The following IL32 variants were observed in gnomAD, a reference collection of about 807,000 sequenced individuals.
The protein encoded by IL32 is interleukin 32, also known as interleukin-32.
A neutral mutation model predicts 16.6 loss-of-function variants in IL32; 30 were observed. That is an observed-to-expected ratio of 1.81 (90% CI 1.35 to 2.45). The LOEUF (loss-of-function observed/expected upper bound fraction) is 2.45, where lower values mean the gene tolerates loss of function less well. IL32 is among the 30% of genes most tolerant of loss of function. IL32 has a pLI of 0.00. For synonymous variants in IL32, 70 were observed against 86.1 expected (o/e 0.81, Z 1.03); for missense variants, 234 against 229.8 (o/e 1.02, Z -0.12).
rs2151177015 is a variant in IL32 at position 3,065,815 on chromosome 16, T to C, written c.4T>C (p.Cys2Arg). Residue 2 changes from cysteine to arginine, a missense_variant, in exon 2 of 7, where the codon TGC (cysteine) becomes CGC (arginine). This residue lies in a region of IL32 where 137 missense variants were observed against 80.7 expected (regional missense o/e 1.70). Transcript: ENST00000525643. The stretch of plus-strand genomic sequence containing the variant: ...GCTCCTTGAACTTTTGGCCGCCATG[T>C]GCTTCCCGAAGGTGAGTGAGAGGCT... M[C>R]FPKVLSDDMK... 6.2e-7 allele frequency: 1 copy of C among 1,614,150 alleles called. No homozygotes were observed. The highest frequency in any genetic ancestry group is 2.2e-5 in the East Asian group (1 of 44,878).
Position 3,067,630 on chromosome 16 carries a change from T to G in IL32, c.114+17T>G. 1 of 1,578,292 alleles carries G rather than the reference T, an allele frequency of 6.3e-7. No homozygotes were observed. The highest frequency in any genetic ancestry group is 1.3e-5 in the African/African-American group (1 of 74,256). On this transcript the variant is annotated intron_variant, in intron 4 of 6. Coordinates refer to ENST00000525643, the MANE Select transcript of IL32 (RefSeq NM_001376923.1). The stretch of plus-strand genomic sequence containing the variant: ...CGTGGACAGGTGGGTGGATTTCCCC[T>G]CAGGCACCAGGTCACATGTCCCCGC...
intron 5 of IL32, 46 bp from the exon 6 acceptor site, chr16:3,068,134 G>C (rs1312613591): frequency 1.9e-6 from 3 of 1,603,076 alleles, no homozygotes; most frequent in Non-Finnish European, 1.7e-6. Flanking sequence ...AGTGGGAAGG[G>C]GGCAGGCAGG....
chr16:3,066,809 T>C (rs1956360042), intron 2 of IL32, among the ~76,000 whole-genome samples: 1 of 152,018 alleles, frequency 6.6e-6, no homozygotes, highest in Non-Finnish European at 1.5e-5. Context: ...CCTGGGACCA[T>C]AGTGGTTGTG....
chr16:3,068,138 A>C (rs1479625151), intron 5 of IL32, 42 bp from the exon 6 acceptor site: 2 of 1,601,870 alleles, frequency 1.2e-6, no homozygotes, highest in South Asian at 2.2e-5. Context: ...GGAAGGGGGC[A>C]GGCAGGAGCA....
At position 3,067,416 on chromosome 16, in the gene IL32, G is replaced by C. The variant is rs752796018; in HGVS notation, c.54+1G>C. The C allele has an allele frequency of 6.3e-7, 1 of 1,589,002 alleles. No individual in the cohort carries two copies. The highest frequency in any genetic ancestry group is 1.8e-5 in the Admixed American group (1 of 55,860). On this transcript the variant is annotated splice_donor_variant, in intron 3 of 6. Transcript: ENST00000525643. LOFTEE classifies it high-confidence loss of function. Reference sequence around the variant, plus strand: ...CATGAAGAAGCTGAAGGCCCGAATGGTAATGCTCCTCCCTACTTCTGCTCA... The same window carrying C: ...CATGAAGAAGCTGAAGGCCCGAATGCTAATGCTCCTCCCTACTTCTGCTCA...
At position 3,068,118 on chromosome 16, in the gene IL32, G is replaced by C. The variant is rs1353743502; in HGVS notation, c.142-62G>C. ...CTTGGGAATCACCTGGACCAGTGGG[G>C]GCCACAGTGGGAAGGGGGCAGGCAG... On this transcript the variant is annotated intron_variant, in intron 5 of 6. Transcript: ENST00000525643. The C allele has an allele frequency of 4.4e-6, 7 of 1,602,206 alleles. No homozygotes were observed. In the African/African-American group the frequency reaches 5.4e-5, roughly 12 times the overall value.
At chr16:3,065,885 C>G (rs188483845) in intron 2 of IL32, 59 bp downstream of exon 2, 4 of 1,599,810 alleles carry the variant, frequency 2.5e-6, no homozygotes, top group Non-Finnish European at 2.6e-6. Flanking sequence ...CGTAAGGGTG[C>G]GGGTGCCCTC....
At chr16:3,065,626 T>G (rs1956228870), upstream of IL32, 1 of 713,448 alleles carries the variant, frequency 1.4e-6, no homozygotes. Context: ...ACCAGCTGAG[T>G]ATTTGTGCCA....
intron 2 of IL32, among the ~76,000 whole-genome samples, chr16:3,066,140 G>A (rs1156437052): frequency 6.6e-6 from 1 of 152,172 alleles, no homozygotes; most frequent in Non-Finnish European, 1.5e-5. Context: ...TCTCTCAGAG[G>A]CCGGCTCAGC....
intron 2 of IL32, among the ~76,000 whole-genome samples, chr16:3,066,559 C>A (rs79018933): frequency 6.6e-6 from 1 of 151,824 alleles, no homozygotes; most frequent in Non-Finnish European, 1.5e-5. Context: ...AGGCCCTTGA[C>A]GTGGGGGCTC....
intron 6 of IL32, 126 bp from the exon 7 acceptor site, chr16:3,068,864 T>C (rs12934561): frequency 0.59 from 863,121 of 1,461,746 alleles, 256,348 homozygotes; most frequent in Non-Finnish European, 0.6. Flanking sequence ...GGGCTGTGGT[T>C]GGGAAACCAA....
upstream of IL32, chr16:3,065,413 A>G (rs902479436): frequency 3.8e-5 from 10 of 263,154 alleles, no homozygotes; most frequent in Non-Finnish European, 7.4e-5. Flanking sequence ...AGAGACTCCC[A>G]CCCCAGCTCA....
intron 2 of IL32, among the ~76,000 whole-genome samples, chr16:3,066,566 G>A (rs572535988): frequency 1.3e-5 from 2 of 152,210 alleles, no homozygotes; most frequent in African/African-American, 4.8e-5. Flanking sequence ...TGACGTGGGG[G>A]CTCAGCGGGG....
intron 2 of IL32, among the ~76,000 whole-genome samples, chr16:3,066,586 G>A (rs1419425768): frequency 6.6e-6 from 1 of 152,002 alleles, no homozygotes; most frequent in Non-Finnish European, 1.5e-5. Context: ...GATTCTGTGG[G>A]GTGCCTCTGG....
At chr16:3,065,875 C>G (rs372765113) in intron 2 of IL32, 49 bp downstream of exon 2, 18 of 1,610,512 alleles carry the variant, frequency 1.1e-5, no homozygotes, top group African/African-American at 6.7e-5. Context: ...GAAAACAGAC[C>G]GTAAGGGTGC....
chr16:3,067,565 A>G lies in IL32; in HGVS notation c.66A>G (p.Ile22Met). 1 of 1,614,068 alleles carries G rather than the reference A, an allele frequency of 6.2e-7. No homozygotes were observed. The highest frequency in any genetic ancestry group is 8.5e-7 in the Non-Finnish European group (1 of 1,179,986). The change falls in exon 4 of 7, where the codon ATA becomes ATG. Residue 22 changes from isoleucine to methionine, a missense_variant. Around this residue, in one of 3 missense-constraint regions of IL32, gnomAD observed 137 missense variants for 80.7 expected, o/e 1.70. Transcript: ENST00000525643. ...GCCTCTCTTCACAGCACCAGGCCAT[A>G]GAAAGATTTTATGATAAAATGCAAA... is the stretch of plus-strand genomic sequence containing the variant. ...KKLKARMHQA[I>M]ERFYDKMQNA...
At chr16:3,067,888 G>T (rs770241667) in intron 4 of IL32, 96 bp from the exon 5 acceptor site, 135 of 1,415,682 alleles carry the variant, frequency 9.5e-5, no homozygotes, top group Non-Finnish European at 1.2e-4. Context: ...CCAGTTCGGG[G>T]TGTGTGGGAG....
chr16:3,067,339 T>C lies in IL32; in HGVS notation c.16-38T>C, dbSNP rs778376368. On this transcript the variant is annotated intron_variant, in intron 2 of 6. Coordinates refer to ENST00000525643, the MANE Select transcript of IL32 (RefSeq NM_001376923.1). ...AATTATCCTGGAGGAAAGGTTAAGGTGACACATGGAGACTGAGTGTCACCG... is the reference window on the plus strand; with the variant it reads ...AATTATCCTGGAGGAAAGGTTAAGGCGACACATGGAGACTGAGTGTCACCG... 2.4e-5 allele frequency: 29 copies of C among 1,214,734 alleles called. No individual in the cohort carries two copies. The South Asian group carries it at 2.7e-4, about 11-fold the overall frequency. 75.2% of individuals were successfully genotyped at this position (1,214,734 alleles called of 1,614,324 possible).
In IL32 at chr16:3,065,801, T is replaced by A. The variant is rs2151176917; in HGVS notation, c.-11T>A. On this transcript the variant is annotated 5_prime_UTR_variant, in exon 2 of 7. Coordinates refer to ENST00000525643, the MANE Select transcript of IL32 (RefSeq NM_001376923.1). Reference sequence around the variant, plus strand: ...GCCAGCAGGCCTTGGCTCCTTGAACTTTTGGCCGCCATGTGCTTCCCGAAG... The same window carrying A: ...GCCAGCAGGCCTTGGCTCCTTGAACATTTGGCCGCCATGTGCTTCCCGAAG... 6.2e-7 allele frequency: 1 copy of A among 1,614,126 alleles called. No homozygotes were observed. The highest frequency in any genetic ancestry group is 2.2e-5 in the East Asian group (1 of 44,882).
Sources: gnomAD v4.1 joint callset for allele counts (sites outside exome capture counted in the v4.1 genomes callset) on GRCh38, gnomAD v4.1.1 for gene constraint, gnomAD v4.1.1 regional missense constraint, MANE v1.5 for transcripts, NCBI Gene and HGNC (gene_info 2026-07-23, HGNC 2026-07-21) for gene names.